The following LRP1B variants were observed in gnomAD, a reference collection of about 807,000 sequenced individuals.
The protein encoded by LRP1B is low-density lipoprotein receptor-related protein 1B.
LRP1B carries 217 observed loss-of-function variants against 556.6 expected under a neutral mutation model. The observed-to-expected ratio is 0.39, with a 90% CI of 0.35 to 0.44. LRP1B has a LOEUF of 0.44. Ranked by LOEUF, LRP1B falls within the 20% of genes least tolerant of loss-of-function variation. The pLI is 1.00. For synonymous variants in LRP1B, 2,047 were observed against 1,865.8 expected (o/e 1.10, Z -2.50); for missense variants, 5,053 against 5,620.8 (o/e 0.90, Z 3.23).
At chr2:141,669,114 G>C (rs1318118670) in intron 2 of LRP1B, among the ~76,000 whole-genome samples, 1 of 150,948 alleles carries the variant, frequency 6.6e-6, no homozygotes, top group Non-Finnish European at 1.5e-5. Context: ...TTTGGAGATG[G>C]GGGCTTTGAA....
intron 1 of LRP1B, among the ~76,000 whole-genome samples, chr2:141,836,786 T>A (rs1170501674): frequency 6.6e-6 from 1 of 151,998 alleles, no homozygotes; most frequent in Non-Finnish European, 1.5e-5. Flanking sequence ...TTGGTGAAAT[T>A]TATTAAAAAT....
intron 14 of LRP1B, among the ~76,000 whole-genome samples, chr2:141,011,829 A>G (rs1323965858): frequency 6.6e-6 from 1 of 150,986 alleles, no homozygotes; most frequent in Non-Finnish European, 1.5e-5. Flanking sequence ...AACACCAAAA[A>G]TATTCTCTAT....
At chr2:140,903,880 A>T (rs1156252199) in intron 22 of LRP1B, among the ~76,000 whole-genome samples, 2 of 151,966 alleles carry the variant, frequency 1.3e-5, no homozygotes, top group African/African-American at 4.8e-5. Flanking sequence ...TACATAGATA[A>T]TCGATTACAT....
At chr2:140,705,521 CAAAAAAAAAAAAA>C (rs565447198) in intron 37 of LRP1B, among the ~76,000 whole-genome samples, 9 of 68,212 alleles carry the variant, frequency 1.3e-4, no homozygotes, top group African/African-American at 2.8e-4. Context: ...GAGACTGTCT[CAAAAAAAAAAAAA>C]AAAAAAAAAA....
chr2:141,400,631 A>C (rs754639617), intron 3 of LRP1B, among the ~76,000 whole-genome samples: 1 of 152,188 alleles, frequency 6.6e-6, no homozygotes, highest in Non-Finnish European at 1.5e-5. Context: ...AAGAGCCTTC[A>C]GACACTTCAC....
intron 41 of LRP1B, among the ~76,000 whole-genome samples, chr2:140,641,837 G>A (rs1684308547): frequency 6.6e-6 from 1 of 152,110 alleles, no homozygotes; most frequent in Non-Finnish European, 1.5e-5. Context: ...ATAGGCTCTG[G>A]AATCTAAAAA....
chr2:140,367,280 T>A (rs1438676359), intron 71 of LRP1B, among the ~76,000 whole-genome samples: 1 of 151,772 alleles, frequency 6.6e-6, no homozygotes, highest in African/African-American at 2.4e-5. Context: ...CTGCTTAGTA[T>A]CTTAAGTAAA....
chr2:141,192,598 T>C (rs1026935087), intron 6 of LRP1B, among the ~76,000 whole-genome samples: 11 of 151,886 alleles, frequency 7.2e-5, no homozygotes, highest in African/African-American at 2.7e-4. Context: ...CTACTTATTC[T>C]TTTTTTCAAC....
At chr2:141,972,721 T>C (rs567324654) in intron 1 of LRP1B, among the ~76,000 whole-genome samples, 6 of 151,836 alleles carry the variant, frequency 4.0e-5, no homozygotes, top group African/African-American at 1.4e-4. Flanking sequence ...CCATCTGTTT[T>C]AAACATGTTT....
At chr2:141,590,735 G>A (rs1000830545) in intron 2 of LRP1B, among the ~76,000 whole-genome samples, 7 of 152,066 alleles carry the variant, frequency 4.6e-5, no homozygotes, top group African/African-American at 1.7e-4. Context: ...TTCAATCAGA[G>A]GAGGTATTTT....
chr2:141,482,928 C>A (rs1392242684), intron 2 of LRP1B, among the ~76,000 whole-genome samples: 1 of 139,268 alleles, frequency 7.2e-6, no homozygotes, highest in Non-Finnish European at 1.6e-5. Context: ...TTCTCACAAG[C>A]AGCAAGATTT....
chr2:140,315,582 T>G (rs1684486057), intron 82 of LRP1B, among the ~76,000 whole-genome samples: 1 of 152,140 alleles, frequency 6.6e-6, no homozygotes, highest in Non-Finnish European at 1.5e-5. Flanking sequence ...TGGCCAATTT[T>G]TAAATTTTTT....
intron 1 of LRP1B, among the ~76,000 whole-genome samples, chr2:141,966,225 T>C (rs1416301076): frequency 6.6e-6 from 1 of 151,892 alleles, no homozygotes; most frequent in Non-Finnish European, 1.5e-5. Flanking sequence ...TTCATGGAGA[T>C]TATAAGAGGG....
At chr2:141,122,405 GAAAA>G (rs56871197) in intron 7 of LRP1B, among the ~76,000 whole-genome samples, 5,893 of 144,714 alleles carry the variant, frequency 0.041, 158 homozygotes, top group African/African-American at 0.081. Flanking sequence ...AAACTTACAA[GAAAA>G]AAAAAAAAAA....
At chr2:141,660,674 C>G (rs572660865) in intron 2 of LRP1B, among the ~76,000 whole-genome samples, 30 of 152,294 alleles carry the variant, frequency 2.0e-4, no homozygotes, top group African/African-American at 7.0e-4. Flanking sequence ...GAACTCTGAT[C>G]TCTCTGGGAC....
chr2:140,547,148 C>T (rs1398303362), intron 43 of LRP1B, among the ~76,000 whole-genome samples: 2 of 152,086 alleles, frequency 1.3e-5, no homozygotes, highest in Non-Finnish European at 2.9e-5. Flanking sequence ...GTTTTGGTAT[C>T]AGGATGATGC....
chr2:140,330,857 TAAAC>T (rs1469455284), intron 79 of LRP1B, among the ~76,000 whole-genome samples: 4 of 151,904 alleles, frequency 2.6e-5, no homozygotes, highest in South Asian at 2.1e-4. Flanking sequence ...ACAAGGAACT[TAAAC>T]AAATTTACAC....
At chr2:141,909,526 ATTTTTTTTTTTT>A (rs377577096) in intron 1 of LRP1B, among the ~76,000 whole-genome samples, 146 of 93,408 alleles carry the variant, frequency 1.6e-3, no homozygotes, top group African/African-American at 5.8e-3. Flanking sequence ...GGTCTCAGAC[ATTTTTTTTTTTT>A]TTTTTTTTTT....
In LRP1B at chr2:140,321,997, C is replaced by A. The variant is rs1368353236; in HGVS notation, c.12606G>T (p.Leu4202Phe). The A allele has an allele frequency of 2.5e-6, 4 of 1,613,094 alleles. No homozygotes were observed. Among genetic ancestry groups the A allele is most frequent in the Non-Finnish European group, 2.5e-6 (3 of 1,179,430 alleles). ...TGTCATCATTGCAGGTGCCATTAAT[C>A]AAATATTTTCCTTCTGGACACACAC... Reference protein sequence around the residue: ...ATCVCPEGKYLINGTCNDDSL... With the variant: ...ATCVCPEGKYFINGTCNDDSL... The change falls in exon 82 of 91, where the codon TTG becomes TTT. Residue 4202 changes from leucine (L) to phenylalanine (F), a missense_variant. Transcript: ENST00000389484.
Sources: allele counts gnomAD v4.1 joint callset (sites outside exome capture counted in the v4.1 genomes callset), GRCh38; gene constraint gnomAD v4.1.1; transcripts MANE v1.5; gene names NCBI Gene and HGNC (gene_info 2026-07-23, HGNC 2026-07-21).